Variants in STEAP2 observed in about 807,000 individuals in gnomAD.
STEAP2 encodes the protein STEAP2 metalloreductase, also known as metalloreductase STEAP2.
A neutral mutation model predicts 46.4 loss-of-function variants in STEAP2; 30 were observed. The ratio of observed to expected loss-of-function variants is 0.65; its 90% CI spans 0.48 to 0.88. The LOEUF (loss-of-function observed/expected upper bound fraction) is 0.88, where lower values mean the gene tolerates loss of function less well. Among genes scored for constraint, STEAP2 ranks in the 40% least tolerant of loss-of-function variants. The pLI, the probability that STEAP2 is intolerant of heterozygous loss-of-function variation, is 0.00. For missense variants in STEAP2, 513 were observed against 579.3 expected (o/e 0.89, Z 1.18); for synonymous variants, 180 against 200.5 (o/e 0.90, Z 0.86).
At position 90,227,014 on chromosome 7, in the gene STEAP2, T is replaced by C. The variant is rs943142942; in HGVS notation, c.536T>C (p.Ile179Thr). 3.1e-6 allele frequency: 5 copies of C among 1,610,162 alleles called. No homozygotes were observed. In the African/African-American group the frequency reaches 4.0e-5, roughly 13 times the overall value. Residue 179 changes from isoleucine to threonine, a missense_variant, in exon 4 of 6, where the codon ATT becomes ACT. Coordinates refer to ENST00000394621, the MANE Select transcript of STEAP2 (RefSeq NM_001244944.2). Reference protein sequence around the residue: ...SNNIQARQQVIELARQLNFIP... With the variant: ...SNNIQARQQVTELARQLNFIP... Reference sequence around the variant, plus strand: ...AATATTCAAGCGCGACAACAGGTTATTGAACTTGCCCGCCAGTTGAATTTC... The same window carrying C: ...AATATTCAAGCGCGACAACAGGTTACTGAACTTGCCCGCCAGTTGAATTTC...
rs192846568 is a variant in STEAP2 at position 90,225,468 on chromosome 7, A to G, written c.386A>G (p.Asn129Ser). 7 of 1,613,910 alleles carry G rather than the reference A, an allele frequency of 4.3e-6. No individual in the cohort carries two copies. Among genetic ancestry groups the G allele is most frequent in the East Asian group, 4.5e-5 (2 of 44,860 alleles). ...AGGATAAACCAGTACCCAGAATCCA[A>G]TGCTGAATATTTGGCTTCATTATTC... ...NMRINQYPES[N>S]AEYLASLFPD... The change falls in exon 3 of 6, where the codon AAT becomes AGT. Residue 129 changes from asparagine to serine, a missense_variant. Transcript: ENST00000394621.
At chr7:90,243,263 T>C in the STEAP2 span, among the ~76,000 whole-genome samples, 1 of 152,242 alleles carries the variant, frequency 6.6e-6, no homozygotes, top group South Asian at 2.1e-4. Context: ...CTCTGAGAAG[T>C]GAAGTAATAT....
Position 90,237,055 on chromosome 7 carries a change from G to A in STEAP2, c.*4431G>A. On this transcript the variant is annotated 3_prime_UTR_variant, in exon 6 of 6. Transcript: ENST00000394621. The stretch of plus-strand genomic sequence containing the variant: ...GCCAGTGAGATGAAGTCTCCTCAAA[G>A]GAAGGCAGCATGTGTCCTTTTTCAT... 8.1e-7 allele frequency: 1 copy of A among 1,241,772 alleles called. No individual in the cohort carries two copies. The highest frequency in any genetic ancestry group is 2.5e-5 in the East Asian group (1 of 40,270). The allele number at this position is 1,241,772 out of a possible 1,614,324, so 76.9% of individuals were successfully genotyped here. A position where few individuals can be genotyped will look rare whatever the true frequency, so the allele number is the denominator to read the frequency against.
At chr7:90,223,630 C>G (rs920968166) in intron 2 of STEAP2, among the ~76,000 whole-genome samples, 2 of 152,156 alleles carry the variant, frequency 1.3e-5, no homozygotes, top group African/African-American at 2.4e-5. Context: ...TCTGCCTGTC[C>G]TTGACCAAAG....
chr7:90,235,773 C>T lies in STEAP2; in HGVS notation c.*3149C>T. On this transcript the variant is annotated 3_prime_UTR_variant, in exon 6 of 6. Coordinates refer to ENST00000394621, the MANE Select transcript of STEAP2 (RefSeq NM_001244944.2). ...ATCTATTCATGCTAACATTATTTTT[C>T]AAAACATACATGGAAATTTAGCCCA... 1.3e-6 allele frequency: 1 copy of T among 797,484 alleles called. No individual in the cohort carries two copies. The highest frequency in any genetic ancestry group is 1.5e-6 in the Non-Finnish European group (1 of 658,710). The allele number at this position is 797,484 out of a possible 1,614,324, so 49.4% of individuals were successfully genotyped here.
chr7:90,225,609 G>T (rs758014693), intron 3 of STEAP2, 35 bp downstream of exon 3: 10 of 1,517,550 alleles, frequency 6.6e-6, no homozygotes, highest in Non-Finnish European at 8.8e-6. Context: ...TATGTATCTG[G>T]TATTTTGTAG....
chr7:90,233,125 T>G lies in STEAP2; in HGVS notation c.*501T>G. On this transcript the variant is annotated 3_prime_UTR_variant, in exon 6 of 6. Coordinates refer to ENST00000394621, the MANE Select transcript of STEAP2 (RefSeq NM_001244944.2). The stretch of plus-strand genomic sequence containing the variant: ...AGGTAAGGCTGCATGATAGCATTCC[T>G]ATATTTCTCTCATAAAATAGGATTT... 2.0e-6 allele frequency: 2 copies of G among 985,192 alleles called. No individual in the cohort carries two copies. The highest frequency in any genetic ancestry group is 2.4e-6 in the Non-Finnish European group (2 of 829,712). The allele number at this position is 985,192 out of a possible 1,614,324, so 61.0% of individuals were successfully genotyped here. A position where few individuals can be genotyped will look rare whatever the true frequency, so the allele number is the denominator to read the frequency against.
At chr7:90,232,171 A>T (rs948737023) in intron 5 of STEAP2, among the ~76,000 whole-genome samples, 166 bp from the exon 6 acceptor site, 1 of 151,872 alleles carries the variant, frequency 6.6e-6, no homozygotes, top group Non-Finnish European at 1.5e-5. Context: ...CATATATAAA[A>T]ATATTAATAT....
intron 2 of STEAP2, among the ~76,000 whole-genome samples, chr7:90,223,758 A>G (rs1210584889): frequency 2.6e-5 from 4 of 152,200 alleles, no homozygotes; most frequent in Non-Finnish European, 5.9e-5. Context: ...TCAATGATAC[A>G]TTGTAAGATG....
chr7:90,229,266 T>C (rs1349993968), intron 4 of STEAP2, among the ~76,000 whole-genome samples: 1 of 152,164 alleles, frequency 6.6e-6, no homozygotes, highest in African/African-American at 2.4e-5. Flanking sequence ...ATTGGATAGT[T>C]GGGGATCATA....
At chr7:90,240,678 G>A (rs1288698937), downstream of STEAP2, among the ~76,000 whole-genome samples, 1 of 152,060 alleles carries the variant, frequency 6.6e-6, no homozygotes. The surrounding 1 kb of genome is among the most constrained non-coding windows in gnomAD (Gnocchi z 4.1). Flanking sequence ...AGCTTTCTTT[G>A]TTACTTTTAA....
rs35176896 is a variant in STEAP2, at chr7:90,234,546, C to CT, written c.*1943dup. 0.23 allele frequency: 182,710 copies of CT among 792,892 alleles called. 5,859 individuals are homozygous for CT. The highest frequency in any genetic ancestry group is 0.55 in the East Asian group (3,642 of 6,584). 49.1% of individuals were successfully genotyped at this position (792,892 alleles called of 1,614,324 possible). A position where few individuals can be genotyped will look rare whatever the true frequency, so the allele number is the denominator to read the frequency against. On this transcript the variant is annotated 3_prime_UTR_variant, in exon 6 of 6. Transcript: ENST00000394621. ...GGTGAATTTTATTATCTTGTACCCT[C>CT]TTTTTTTTTTTTTTTTTTTTTAAAG...
Position 90,236,265 on chromosome 7 carries a change from T to C in STEAP2, c.*3641T>C. On this transcript the variant is annotated 3_prime_UTR_variant, in exon 6 of 6. Transcript: ENST00000394621. ...TTTAAATAAAGTATCATAAATGTAA[T>C]AAGTAAATATTTATTTAGGAATACT... 1.1e-6 allele frequency: 1 copy of C among 911,236 alleles called. No individual in the cohort carries two copies. Among genetic ancestry groups the C allele is most frequent in the Non-Finnish European group, 1.3e-6 (1 of 762,590 alleles). The allele number at this position is 911,236 out of a possible 1,614,324, so 56.4% of individuals were successfully genotyped here.
chr7:90,233,071 T>C lies in STEAP2; in HGVS notation c.*447T>C. 1.0e-6 allele frequency: 1 copy of C among 983,312 alleles called. No homozygotes were observed. Among genetic ancestry groups the C allele is most frequent in the Non-Finnish European group, 1.2e-6 (1 of 827,924 alleles). 60.9% of individuals were successfully genotyped at this position (983,312 alleles called of 1,614,324 possible). On this transcript the variant is annotated 3_prime_UTR_variant, in exon 6 of 6. Transcript: ENST00000394621. The stretch of plus-strand genomic sequence containing the variant: ...TAGAAATGCATTATTATACATTTTT[T>C]TAAGAAAGGACACGTTATGTTAGCA...
chr7:90,217,862 G>A (rs528177522), intron 2 of STEAP2, among the ~76,000 whole-genome samples: 42 of 152,136 alleles, frequency 2.8e-4, no homozygotes, highest in Non-Finnish European at 4.7e-4. Flanking sequence ...TGTCCACAGA[G>A]GCTGTACTAA....
intron 3 of STEAP2, among the ~76,000 whole-genome samples, chr7:90,226,127 A>G (rs17869406): frequency 6.6e-6 from 1 of 152,282 alleles, no homozygotes; most frequent in East Asian, 1.9e-4. Context: ...CATATCCACC[A>G]AAGTTTAGCA....
chr7:90,235,392 C>G lies in STEAP2; in HGVS notation c.*2768C>G, dbSNP rs1347414425. The G allele has an allele frequency of 3.1e-6, 3 of 968,856 alleles. No homozygotes were observed. The highest frequency in any genetic ancestry group is 2.5e-6 in the Non-Finnish European group (2 of 815,062). The allele number at this position is 968,856 out of a possible 1,614,324, so 60.0% of individuals were successfully genotyped here. A position where few individuals can be genotyped will look rare whatever the true frequency, so the allele number is the denominator to read the frequency against. Reference sequence around the variant, plus strand: ...TATGATGTTTAGTTGCTTTATTTTACCTCTATGTGATTATTTTTCTTAATT... The same window carrying G: ...TATGATGTTTAGTTGCTTTATTTTAGCTCTATGTGATTATTTTTCTTAATT... On this transcript the variant is annotated 3_prime_UTR_variant, in exon 6 of 6. Transcript: ENST00000394621.
intron 1 of STEAP2, among the ~76,000 whole-genome samples, chr7:90,212,833 C>T (rs1378961899): frequency 6.9e-6 from 1 of 145,640 alleles, no homozygotes; most frequent in Admixed American, 6.8e-5. Context: ...CCCCCACCCC[C>T]ACCCCCAACC....
Position 90,233,064 on chromosome 7 carries a change from CA to C in STEAP2, c.*441del, listed in dbSNP as rs1445437806. 9.2e-6 allele frequency: 9 copies of C among 979,704 alleles called. No individual in the cohort carries two copies. The highest frequency in any genetic ancestry group is 1.1e-5 in the Non-Finnish European group (9 of 824,822). The allele number at this position is 979,704 out of a possible 1,614,324, so 60.7% of individuals were successfully genotyped here. A position where few individuals can be genotyped will look rare whatever the true frequency, so the allele number is the denominator to read the frequency against. ...TAAAAAGTAGAAATGCATTATTATA[CA>C]TTTTTTTAAGAAAGGACACGTTATG... On this transcript the variant is annotated 3_prime_UTR_variant, in exon 6 of 6. Coordinates refer to ENST00000394621, the MANE Select transcript of STEAP2 (RefSeq NM_001244944.2).
Sources: allele counts gnomAD v4.1 joint callset (sites outside exome capture counted in the v4.1 genomes callset), GRCh38; gene constraint gnomAD v4.1.1; non-coding constraint Gnocchi (gnomAD v3.1); transcripts MANE v1.5; gene names NCBI Gene and HGNC (gene_info 2026-07-23, HGNC 2026-07-21).